The following GCFC2 variants were observed in gnomAD, a reference collection of about 807,000 sequenced individuals.
The protein encoded by GCFC2 is GC-rich sequence DNA-binding factor 2, also known as intron Large complex component GCFC2.
A neutral mutation model predicts 99.4 loss-of-function variants in GCFC2; 102 were observed. The ratio of observed to expected loss-of-function variants is 1.03; its 90% CI spans 0.87 to 1.21. The LOEUF (loss-of-function observed/expected upper bound fraction) is 1.21. Ranked by LOEUF, GCFC2 falls within the 50% of genes most tolerant of loss-of-function variation. The probability of loss-of-function intolerance (pLI) is 0.00; values close to 1 mark genes in which losing one functional copy is unlikely to be tolerated. For missense variants in GCFC2, 973 were observed against 920.9 expected (o/e 1.06, Z -0.73); for synonymous variants, 338 against 316.8 (o/e 1.07, Z -0.71).
At chr2:75,701,900 T>A in intron 3 of GCFC2, 1 of 1,110,034 alleles carries the variant, frequency 9.0e-7, no homozygotes, top group Non-Finnish European at 1.1e-6. Context: ...TTTATACAGG[T>A]AAAAACGATC....
intron 11 of GCFC2, among the ~76,000 whole-genome samples, chr2:75,685,734 C>T (rs770207057): frequency 1.3e-5 from 2 of 152,064 alleles, no homozygotes; most frequent in South Asian, 2.1e-4. Context: ...CAAACTTATA[C>T]CTTCTGACTG....
chr2:75,687,183 G>C (rs1404949986), intron 11 of GCFC2, among the ~76,000 whole-genome samples: 1 of 152,084 alleles, frequency 6.6e-6, no homozygotes, highest in African/African-American at 2.4e-5. Flanking sequence ...TGATCTACCT[G>C]CCTTGGCCTC....
intron 15 of GCFC2, 122 bp from the exon 16 acceptor site, chr2:75,666,175 A>C: frequency 2.9e-6 from 2 of 695,842 alleles, no homozygotes; most frequent in East Asian, 5.9e-5. Context: ...TTATGGTTAA[A>C]TAAAAATTTC....
At position 75,663,331 on chromosome 2, in the gene GCFC2, A is replaced by C. The variant is rs949975453; in HGVS notation, c.*1335T>G. Reference sequence around the variant, plus strand: ...ACAGTTTCCCTTAAGTTATTTAATAAGTAGACTTAGAAAAATTACTAGTAA... The same window carrying C: ...ACAGTTTCCCTTAAGTTATTTAATACGTAGACTTAGAAAAATTACTAGTAA... On this transcript the variant is annotated 3_prime_UTR_variant, in exon 17 of 17. Transcript: ENST00000321027. 3 of 152,214 alleles carry C rather than the reference A, an allele frequency of 2.0e-5. No individual in the cohort carries two copies. The highest frequency in any genetic ancestry group is 7.2e-5 in the African/African-American group (3 of 41,456). The allele number at this position is 152,214 out of a possible 1,614,324, so 9.4% of individuals were successfully genotyped here.
At chr2:75,673,269 C>A (rs1221295941) in intron 13 of GCFC2, among the ~76,000 whole-genome samples, 175 bp downstream of exon 13, 1 of 151,524 alleles carries the variant, frequency 6.6e-6, no homozygotes, top group Non-Finnish European at 1.5e-5. Context: ...GATCGCGCCA[C>A]TGCACTCCAG....
At chr2:75,701,523 T>G (rs1426003441) in intron 3 of GCFC2, among the ~76,000 whole-genome samples, 1 of 152,220 alleles carries the variant, frequency 6.6e-6, no homozygotes, top group South Asian at 2.1e-4. Flanking sequence ...AGCTGGATCC[T>G]GGGATCTGAC....
chr2:75,695,872 G>C (rs1680292938), intron 5 of GCFC2, among the ~76,000 whole-genome samples: 1 of 152,060 alleles, frequency 6.6e-6, no homozygotes, highest in Non-Finnish European at 1.5e-5. Context: ...GATGAAGCAG[G>C]GCAGCTCAAG....
intron 1 of GCFC2, among the ~76,000 whole-genome samples, chr2:75,707,844 T>C (rs1048742474): frequency 7.2e-5 from 11 of 152,224 alleles, no homozygotes; most frequent in African/African-American, 2.4e-4. Context: ...ATGAATCAAT[T>C]TGTAGTAGCA....
chr2:75,673,927 T>G (rs1679235657), intron 12 of GCFC2, among the ~76,000 whole-genome samples: 1 of 152,170 alleles, frequency 6.6e-6, no homozygotes, highest in Non-Finnish European at 1.5e-5. Context: ...AACCAAACGG[T>G]TTCTAGAATA....
chr2:75,702,272 A>T lies in GCFC2; in HGVS notation c.546T>A (p.Pro182=), dbSNP rs1680633494. 6.2e-7 allele frequency: 1 copy of T among 1,613,166 alleles called. No individual in the cohort carries two copies. The highest frequency in any genetic ancestry group is 8.5e-7 in the Non-Finnish European group (1 of 1,179,216). The change falls in exon 3 of 17, where the codon CCT becomes CCA. Residue 182 remains proline (P), a synonymous_variant. Transcript: ENST00000321027. ...ATGGTATTCTCTTTTCATGGTCATC[A>T]GGCTCACTCTCAGGGTCATCTTCGC... is the stretch of plus-strand genomic sequence containing the variant. ...RESEDDPESE[P]DDHEKRIPFT...
In GCFC2 at chr2:75,666,926, T is replaced by C. The variant is rs1362111131; in HGVS notation, c.2104-873A>G. On this transcript the variant is annotated intron_variant, in intron 15 of 16. Coordinates refer to ENST00000321027, the MANE Select transcript of GCFC2 (RefSeq NM_003203.5). Reference sequence around the variant, plus strand: ...AAGTTCTAAGCTTTTTTCTAGTGCTTGTATATATTTAAAGCTCCGTGCTAC... The same window carrying C: ...AAGTTCTAAGCTTTTTTCTAGTGCTCGTATATATTTAAAGCTCCGTGCTAC... 5.9e-5 allele frequency among the ~76,000 whole-genome samples: 9 copies of C among 152,184 alleles called. No individual in the cohort carries two copies. The East Asian group carries it at 1.7e-3, about 29-fold the overall frequency.
chr2:75,681,439 C>T (rs1196761234), intron 11 of GCFC2, among the ~76,000 whole-genome samples: 1 of 151,874 alleles, frequency 6.6e-6, no homozygotes, highest in African/African-American at 2.4e-5. Flanking sequence ...AACCGGCAGA[C>T]CAGGAGATTC....
chr2:75,701,838 A>G, intron 3 of GCFC2: 1 of 970,646 alleles, frequency 1.0e-6, no homozygotes, highest in African/African-American at 1.7e-5. Context: ...GGAAGATTTT[A>G]ATACATGACA....
At chr2:75,671,302 C>T (rs1255428653) in intron 14 of GCFC2, among the ~76,000 whole-genome samples, 1 of 152,176 alleles carries the variant, frequency 6.6e-6, no homozygotes, top group African/African-American at 2.4e-5. Flanking sequence ...CATTCATGAC[C>T]ATGGCTCCAA....
upstream of GCFC2, among the ~76,000 whole-genome samples, chr2:75,711,726 C>T (rs1015418946): frequency 6.6e-6 from 1 of 152,244 alleles, no homozygotes; most frequent in Non-Finnish European, 1.5e-5. Flanking sequence ...GGGCCAGCGG[C>T]TACAGAGGGT....
intron 4 of GCFC2, among the ~76,000 whole-genome samples, chr2:75,696,749 AG>A (rs1680343545): frequency 1.3e-5 from 2 of 152,046 alleles, no homozygotes; most frequent in South Asian, 4.1e-4. Flanking sequence ...AGTGTGCTGG[AG>A]GGTTTGTAGG....
At chr2:75,702,087 C>A in intron 3 of GCFC2, 112 bp downstream of exon 3, 1 of 1,477,474 alleles carries the variant, frequency 6.8e-7, no homozygotes, top group Non-Finnish European at 8.9e-7. Context: ...TGTTAAAAAC[C>A]ATTATCAACA....
chr2:75,707,047 T>C (rs1353103306), intron 1 of GCFC2, among the ~76,000 whole-genome samples: 1 of 152,224 alleles, frequency 6.6e-6, no homozygotes, highest in African/African-American at 2.4e-5. Flanking sequence ...ACTTATTTAA[T>C]ACCTGTAATT....
rs552697466 is a variant in GCFC2 at position 75,676,386 on chromosome 2, T to C, written c.1813-2866A>G. On this transcript the variant is annotated intron_variant, in intron 12 of 16. Coordinates refer to ENST00000321027, the MANE Select transcript of GCFC2 (RefSeq NM_003203.5). ...CACAGCTTCCACTCCTTGGTCTTGG[T>C]TTACTTCTTGGGATCATATAGAATA... Among the ~76,000 whole-genome samples the C allele has an allele frequency of 7.6e-4, 115 of 152,226 alleles. 1 individual carries two copies. Among genetic ancestry groups the C allele is most frequent in the African/African-American group, 2.7e-3 (111 of 41,524 alleles).
Sources: allele counts gnomAD v4.1 joint callset (sites outside exome capture counted in the v4.1 genomes callset), GRCh38; gene constraint gnomAD v4.1.1; transcripts MANE v1.5; gene names NCBI Gene and HGNC (gene_info 2026-07-23, HGNC 2026-07-21).